Variants in TMEM132C observed in about 807,000 individuals in gnomAD.
TMEM132C encodes transmembrane protein 132C, also known as protein phosphatase 1, regulatory subunit 152.
Under a neutral mutation model 61.4 loss-of-function variants are expected in TMEM132C, and 29 were observed. The ratio of observed to expected loss-of-function variants is 0.47; its 90% confidence interval spans 0.35 to 0.64. The LOEUF is 0.64. Ranked by LOEUF, TMEM132C falls within the 30% of genes least tolerant of loss-of-function variation. The pLI, the probability that TMEM132C is intolerant of heterozygous loss-of-function variation, is 0.00. For missense variants in TMEM132C, 1,408 were observed against 1,476.9 expected, an observed-to-expected ratio of 0.95 and a Z score of 0.76; for synonymous variants, 656 against 633.1, an observed-to-expected ratio of 1.04 and a Z score of -0.54.
intron 5 of TMEM132C, among the ~76,000 whole-genome samples, chr12:128,682,822 G>A (rs1555242976): frequency 6.6e-6 from 1 of 152,176 alleles, no homozygotes; most frequent in Non-Finnish European, 1.5e-5. Flanking sequence ...GAGTCAAGGT[G>A]TGGACAGGGC....
In TMEM132C at chr12:128,453,708, A is replaced by T. The variant is rs1177850428; in HGVS notation, c.974+38088A>T. On this transcript the variant is annotated intron_variant, in intron 2 of 8. Coordinates refer to ENST00000435159, the MANE Select transcript of TMEM132C (RefSeq NM_001136103.3). ...AAACCAGCGCATGCAGGTTGGAAGC[A>T]TATAGAAAAAAGTGGATGACTCTGG... Among the ~76,000 whole-genome samples, 4 of 152,198 alleles carry T rather than the reference A, an allele frequency of 2.6e-5. No individual in the cohort carries two copies. In the East Asian group the frequency reaches 7.7e-4, roughly 29 times the overall value.
At chr12:128,422,878 C>T (rs573939357) in intron 2 of TMEM132C, among the ~76,000 whole-genome samples, 19 of 152,132 alleles carry the variant, frequency 1.2e-4, no homozygotes, top group African/African-American at 4.6e-4. Flanking sequence ...ACAAAATCAC[C>T]CTGGTTGACA....
Position 128,619,861 on chromosome 12 carries a change from G to A in TMEM132C, c.1305+3526G>A, listed in dbSNP as rs141864516. ...TTCATATCCCAAGTTGAGGCCACATGAGCAGAGACCAGGCACAGATTTCCA... is the reference window on the plus strand; with the variant it reads ...TTCATATCCCAAGTTGAGGCCACATAAGCAGAGACCAGGCACAGATTTCCA... On this transcript the variant is annotated intron_variant, in intron 4 of 8. Transcript: ENST00000435159. 2.2e-4 allele frequency among the ~76,000 whole-genome samples: 33 copies of A among 152,318 alleles called. No homozygotes were observed. The East Asian group carries it at 6.4e-3, about 29-fold the overall frequency.
chr12:128,533,844 A>G (rs1367326559), intron 2 of TMEM132C, among the ~76,000 whole-genome samples: 1 of 152,024 alleles, frequency 6.6e-6, no homozygotes, highest in Non-Finnish European at 1.5e-5. Context: ...TCAGCTCCTG[A>G]GCAGACAGCC....
intron 3 of TMEM132C, among the ~76,000 whole-genome samples, chr12:128,606,611 GC>G (rs1160587261): frequency 6.6e-6 from 1 of 152,208 alleles, no homozygotes; most frequent in Non-Finnish European, 1.5e-5. Context: ...TGGTGCAGCT[GC>G]CCCTAAATGT....
intron 4 of TMEM132C, among the ~76,000 whole-genome samples, chr12:128,663,448 G>T (rs1593139510): frequency 6.6e-6 from 1 of 152,308 alleles, no homozygotes; most frequent in South Asian, 2.1e-4. Flanking sequence ...CTTCCGTTGT[G>T]TGGATGTAAT....
In TMEM132C at chr12:128,609,372, G is replaced by T. The variant is rs576185636; in HGVS notation, c.1122-6780G>T. Among the ~76,000 whole-genome samples, 11 of 149,450 alleles carry T rather than the reference G, an allele frequency of 7.4e-5. No individual in the cohort carries two copies. In the East Asian group the frequency reaches 2.2e-3, roughly 29 times the overall value. ...TCCCACCTCAGCCTCCCAAGTAGCT[G>T]GCACCACAGACTGCACCACCACCCT... is the stretch of plus-strand genomic sequence containing the variant. On this transcript the variant is annotated intron_variant, in intron 3 of 8. Coordinates refer to ENST00000435159, the MANE Select transcript of TMEM132C (RefSeq NM_001136103.3).
chr12:128,698,651 A>G (rs1212789698), intron 8 of TMEM132C, among the ~76,000 whole-genome samples: 1 of 152,246 alleles, frequency 6.6e-6, no homozygotes, highest in East Asian at 1.9e-4. Context: ...TGCTGTTATT[A>G]TGATCACTAT....
At chr12:128,638,342 C>T (rs1342575242) in intron 4 of TMEM132C, among the ~76,000 whole-genome samples, 1 of 152,178 alleles carries the variant, frequency 6.6e-6, no homozygotes, top group East Asian at 1.9e-4. Context: ...CAGAGGAAGT[C>T]AGAGTAAAAA....
At chr12:128,699,240 G>A (rs906849197) in intron 8 of TMEM132C, among the ~76,000 whole-genome samples, 17 of 152,250 alleles carry the variant, frequency 1.1e-4, no homozygotes, top group African/African-American at 1.9e-4. Flanking sequence ...ATGTAACGAC[G>A]GCCACACACT....
intron 1 of TMEM132C, among the ~76,000 whole-genome samples, chr12:128,377,159 A>G (rs2135987160): frequency 6.6e-6 from 1 of 151,734 alleles, no homozygotes; most frequent in South Asian, 2.1e-4. Context: ...GGTTCAAGCG[A>G]TTCTCCTGCC....
At chr12:128,460,721 T>C (rs1431621585) in intron 2 of TMEM132C, among the ~76,000 whole-genome samples, 1 of 152,184 alleles carries the variant, frequency 6.6e-6, no homozygotes, top group East Asian at 1.9e-4. Context: ...CTGCTTTCCA[T>C]GTGGCCATAT....
intron 8 of TMEM132C, among the ~76,000 whole-genome samples, chr12:128,700,552 T>C (rs541297926): frequency 1.3e-5 from 2 of 152,298 alleles, no homozygotes; most frequent in South Asian, 4.2e-4. Context: ...CACGATGAAC[T>C]TGCACACTGT....
chr12:128,449,000 G>A (rs910372814), intron 2 of TMEM132C, among the ~76,000 whole-genome samples: 21 of 151,714 alleles, frequency 1.4e-4, no homozygotes, highest in Middle Eastern at 3.2e-3. Context: ...AGCCAGGCGC[G>A]GTGGCGGGCA....
chr12:128,356,182 G>A (rs1418210744), intron 1 of TMEM132C, among the ~76,000 whole-genome samples: 6 of 152,280 alleles, frequency 3.9e-5, no homozygotes, highest in African/African-American at 1.2e-4. Context: ...CTTGTGTTTC[G>A]GGGCCAGGTT....
intron 6 of TMEM132C, 90 bp from the exon 7 acceptor site, chr12:128,695,740 T>C (rs1954755821): frequency 1.4e-6 from 2 of 1,392,364 alleles, no homozygotes; most frequent in Admixed American, 5.4e-5. Context: ...CAATGTGGTC[T>C]CCTTGAGGTT....
chr12:128,681,402 A>G (rs556028419), intron 5 of TMEM132C, among the ~76,000 whole-genome samples: 39 of 152,248 alleles, frequency 2.6e-4, no homozygotes, highest in African/African-American at 9.4e-4. Flanking sequence ...TACCCCTTAT[A>G]TCTGAGAGGA....
chr12:128,670,280 G>A (rs1954519006), intron 5 of TMEM132C, among the ~76,000 whole-genome samples: 1 of 152,204 alleles, frequency 6.6e-6, no homozygotes, highest in Non-Finnish European at 1.5e-5. Flanking sequence ...CTGCACTCCA[G>A]CCTGGGTGGC....
At chr12:128,633,200 G>A (rs1954076561) in intron 4 of TMEM132C, among the ~76,000 whole-genome samples, 1 of 152,154 alleles carries the variant, frequency 6.6e-6, no homozygotes, top group African/African-American at 2.4e-5. Context: ...CAACATGGTG[G>A]CTGGCTCCCC....
Sources: allele counts gnomAD v4.1 joint callset (sites outside exome capture counted in the v4.1 genomes callset), GRCh38; gene constraint gnomAD v4.1.1; transcripts MANE v1.5; gene names NCBI Gene and HGNC (gene_info 2026-07-23, HGNC 2026-07-21).